The following BRINP3 variants were observed in gnomAD, a reference collection of about 807,000 sequenced individuals.
BRINP3 encodes the protein BMP/retinoic acid-inducible neural-specific protein 3.
Under a neutral mutation model 71.0 loss-of-function variants are expected in BRINP3, and 19 were observed. That is an observed-to-expected ratio of 0.27 (90% CI 0.19 to 0.39). The LOEUF is 0.39. Ranked by LOEUF, BRINP3 falls within the 10% of genes least tolerant of loss-of-function variation. The probability of loss-of-function intolerance (pLI) is 1.00; values close to 1 mark genes in which losing one functional copy is unlikely to be tolerated. For missense variants in BRINP3, 959 were observed against 940.8 expected (o/e 1.02, Z -0.25); for synonymous variants, 380 against 337.7 (o/e 1.13, Z -1.37).
intron 3 of BRINP3, among the ~76,000 whole-genome samples, chr1:190,275,860 A>G (rs895009893): frequency 2.0e-5 from 3 of 151,546 alleles, no homozygotes; most frequent in Non-Finnish European, 4.4e-5. Context: ...AAATTGCTTT[A>G]GTAGATAACT....
At chr1:190,200,331 T>A (rs568912829) in intron 6 of BRINP3, among the ~76,000 whole-genome samples, 14 of 152,252 alleles carry the variant, frequency 9.2e-5, no homozygotes, top group African/African-American at 2.4e-4. Context: ...CATCTTGAGA[T>A]AATTTTAGAC....
chr1:190,315,073 G>T (rs1448998727), intron 2 of BRINP3, among the ~76,000 whole-genome samples: 1 of 151,788 alleles, frequency 6.6e-6, no homozygotes, highest in Non-Finnish European at 1.5e-5. Flanking sequence ...GAAGGGAGAG[G>T]GTAAACAAGA....
In BRINP3 at chr1:190,098,406, G is replaced by A; in HGVS notation, c.1913C>T (p.Pro638Leu). 1 of 1,614,074 alleles carries A rather than the reference G, an allele frequency of 6.2e-7. No homozygotes were observed. Among genetic ancestry groups the A allele is most frequent in the Non-Finnish European group, 8.5e-7 (1 of 1,180,024 alleles). ...YLRSRIKSNGPNGNESIYYEP... is the reference protein window; with the variant it reads ...YLRSRIKSNGLNGNESIYYEP... ...ATAGTAAATGCTCTCATTACCATTG[G>A]GACCATTGGACTTGATGCGACTTCT... The change falls in exon 8 of 8, where the codon CCC becomes CTC. Residue 638 changes from proline to leucine, a missense_variant. Transcript: ENST00000367462.
intron 2 of BRINP3, among the ~76,000 whole-genome samples, chr1:190,409,621 T>C (rs968977548): frequency 6.6e-6 from 1 of 152,184 alleles, no homozygotes; most frequent in African/African-American, 2.4e-5. Context: ...ATTTTCTTTT[T>C]AAAAAATGAT....
At chr1:190,246,343 T>C (rs1558104421) in intron 4 of BRINP3, among the ~76,000 whole-genome samples, 1 of 151,920 alleles carries the variant, frequency 6.6e-6, no homozygotes, top group Non-Finnish European at 1.5e-5. Flanking sequence ...GAAGCTTTAA[T>C]TGGCATCAAG....
At chr1:190,305,817 T>A (rs891366555) in intron 2 of BRINP3, among the ~76,000 whole-genome samples, 1 of 151,814 alleles carries the variant, frequency 6.6e-6, no homozygotes, top group Non-Finnish European at 1.5e-5. Context: ...AAAAAAATGA[T>A]AAATGTTTAA....
intron 6 of BRINP3, among the ~76,000 whole-genome samples, chr1:190,203,407 ATG>A (rs1159104638): frequency 2.0e-5 from 3 of 148,330 alleles, no homozygotes; most frequent in African/African-American, 7.5e-5. Context: ...AAATATATAT[ATG>A]TATGTGTGTG....
Position 190,264,853 on chromosome 1 carries a change from A to G in BRINP3, c.618+12T>C. The G allele has an allele frequency of 6.2e-7, 1 of 1,609,014 alleles. No individual in the cohort carries two copies. Among genetic ancestry groups the G allele is most frequent in the Non-Finnish European group, 8.5e-7 (1 of 1,177,582 alleles). On this transcript the variant is annotated intron_variant, in intron 4 of 7. Transcript: ENST00000367462. ...ATGGAAGGTGATAATTTTAGCGTAA[A>G]CTCATTCTTACCTTTATGGCAGTGG... is the stretch of plus-strand genomic sequence containing the variant.
At chr1:190,348,465 A>C (rs1298275395) in intron 2 of BRINP3, among the ~76,000 whole-genome samples, 1 of 152,130 alleles carries the variant, frequency 6.6e-6, no homozygotes, top group Non-Finnish European at 1.5e-5. Flanking sequence ...ACACGAAATA[A>C]ATAAAAGCCT....
intron 2 of BRINP3, among the ~76,000 whole-genome samples, chr1:190,411,007 C>T (rs1288177789): frequency 1.3e-5 from 2 of 152,008 alleles, no homozygotes; most frequent in Non-Finnish European, 2.9e-5. Flanking sequence ...AAAACCAAGA[C>T]GACTCCTGAT....
chr1:190,114,197 C>T (rs909685744), intron 7 of BRINP3, among the ~76,000 whole-genome samples: 4 of 152,104 alleles, frequency 2.6e-5, no homozygotes, highest in East Asian at 1.9e-4. Flanking sequence ...CTCCTGCTTT[C>T]GCCATGTGGC....
intron 4 of BRINP3, 82 bp from the exon 5 acceptor site, chr1:190,234,559 T>C (rs1402937960): frequency 1.0e-6 from 1 of 988,192 alleles, no homozygotes; most frequent in Non-Finnish European, 1.6e-6. Flanking sequence ...CACACACTAA[T>C]ATTATACGTT....
intron 4 of BRINP3, among the ~76,000 whole-genome samples, chr1:190,248,473 T>C (rs1333474828): frequency 6.6e-6 from 1 of 151,668 alleles, no homozygotes; most frequent in East Asian, 1.9e-4. Flanking sequence ...GATACTATCG[T>C]CTTAATTTTT....
intron 2 of BRINP3, among the ~76,000 whole-genome samples, chr1:190,336,686 C>T (rs1050121227): frequency 6.6e-6 from 1 of 151,968 alleles, no homozygotes; most frequent in East Asian, 1.9e-4. Flanking sequence ...CACTGCAAAA[C>T]GTGCTCTTTC....
chr1:190,117,585 C>T (rs1653255875), intron 7 of BRINP3, among the ~76,000 whole-genome samples: 1 of 151,858 alleles, frequency 6.6e-6, no homozygotes, highest in Non-Finnish European at 1.5e-5. Flanking sequence ...AAGCATCTCC[C>T]AGATCTCAAG....
At position 190,253,972 on chromosome 1, in the gene BRINP3, T is replaced by G. The variant is rs148937283; in HGVS notation, c.618+10893A>C. Among the ~76,000 whole-genome samples the G allele has an allele frequency of 8.5e-4, 130 of 152,112 alleles. No homozygotes were observed. In the East Asian group the frequency reaches 0.012, roughly 15 times the overall value. On this transcript the variant is annotated intron_variant, in intron 4 of 7. Transcript: ENST00000367462. ...GGTGTAAGGAAGGGATCCAGTTTCA[T>G]CTTTCTACATATGGCTAGCCAGTTT... is the stretch of plus-strand genomic sequence containing the variant.
At chr1:190,224,354 A>T (rs974753149) in intron 6 of BRINP3, among the ~76,000 whole-genome samples, 7 of 151,832 alleles carry the variant, frequency 4.6e-5, no homozygotes, top group African/African-American at 1.7e-4. Flanking sequence ...AGCCAACTCA[A>T]CTTTGACAAA....
intron 1 of BRINP3, among the ~76,000 whole-genome samples, chr1:190,475,271 A>G (rs1456704234): frequency 6.6e-6 from 1 of 152,218 alleles, no homozygotes; most frequent in African/African-American, 2.4e-5. Flanking sequence ...TACTAACGTT[A>G]AATATAGCTC....
At chr1:190,108,253 G>A (rs1020416473) in intron 7 of BRINP3, among the ~76,000 whole-genome samples, 15 of 151,818 alleles carry the variant, frequency 9.9e-5, no homozygotes, top group Non-Finnish European at 1.9e-4. Context: ...AATCATAACC[G>A]CATTAATAGA....
Sources: gnomAD v4.1 joint callset for allele counts (sites outside exome capture counted in the v4.1 genomes callset) on GRCh38, gnomAD v4.1.1 for gene constraint, MANE v1.5 for transcripts, NCBI Gene and HGNC (gene_info 2026-07-23, HGNC 2026-07-21) for gene names.